AR: variants seen among roughly 807,000 people sequenced by gnomAD.
AR encodes the protein androgen receptor.
Under a neutral mutation model 53.9 loss-of-function variants are expected in AR, and 8 were observed. The observed-to-expected ratio is 0.15, with a 90% CI of 0.09 to 0.27. The LOEUF (loss-of-function observed/expected upper bound fraction) is 0.27, where lower values mean the gene tolerates loss of function less well. Ranked by LOEUF, AR falls within the 10% of genes least tolerant of loss-of-function variation. AR has a pLI of 1.00. For synonymous variants in AR, 359 were observed against 316.4 expected (o/e 1.13, Z -1.43); for missense variants, 639 against 742.5 (o/e 0.86, Z 1.62).
At chrX:67,701,772 TGGATAAGATA>T (rs1440453917) in intron 3 of AR, among the ~76,000 whole-genome samples, 3 of 111,588 alleles carry the variant, frequency 2.7e-5, no homozygotes, top group African/African-American at 9.8e-5. Flanking sequence ...CTGTCACCAT[TGGATAAGATA>T]ATTTCTAAGG....
intron 3 of AR, among the ~76,000 whole-genome samples, chrX:67,701,674 TCACACACACACACACA>T (rs3070104): frequency 1.0e-5 from 1 of 97,511 alleles, no homozygotes; most frequent in East Asian, 3.3e-4. Context: ...TACTAACCAT[TCACACACACACACACA>T]CACACACACA....
At position 67,725,782 on chromosome X, in the gene AR, G is replaced by A. The variant is rs747940268; in HGVS notation, c.*1941G>A. 6 of 173,798 alleles carry A rather than the reference G, an allele frequency of 3.5e-5. No individual in the cohort carries two copies. Among genetic ancestry groups the A allele is most frequent in the African/African-American group, 5.9e-5 (2 of 33,777 alleles). The allele number at this position is 173,798 out of a possible 1,213,427, so 14.3% of individuals were successfully genotyped here. A position where few individuals can be genotyped will look rare whatever the true frequency, so the allele number is the denominator to read the frequency against. On this transcript the variant is annotated 3_prime_UTR_variant, in exon 8 of 8. Transcript: ENST00000374690. ...TTTCTACAGAACCATGGCTTCTTTCGGAAAGGTCTGGTTGGTGTGGCTCCA... is the reference window on the plus strand; with the variant it reads ...TTTCTACAGAACCATGGCTTCTTTCAGAAAGGTCTGGTTGGTGTGGCTCCA...
chrX:67,681,056 G>T lies in AR; in HGVS notation c.1769-4954G>T, dbSNP rs2075930581. The T allele has an allele frequency of 6.4e-5, 11 of 171,770 alleles. No homozygotes were observed. The South Asian group carries it at 1.3e-3, about 20-fold the overall frequency. The allele number at this position is 171,770 out of a possible 1,213,427, so 14.2% of individuals were successfully genotyped here. The stretch of plus-strand genomic sequence containing the variant: ...TAAGACAGTTATTATGCATTTCAAT[G>T]AGTGATTTCTTTGCAGCTCTAGAGT... On this transcript the variant is annotated intron_variant, in intron 2 of 7. Transcript: ENST00000374690.
chrX:67,723,534 C>CACACACAT (rs1289729607), intron 7 of AR, 152 bp from the exon 8 acceptor site: 1 of 591,492 alleles, frequency 1.7e-6, no homozygotes, highest in Non-Finnish European at 2.8e-6. Flanking sequence ...CACACACACA[C>CACACACAT]ACACACGACC....
chrX:67,545,977 C>T lies in AR; in HGVS notation c.831C>T (p.Pro277=), dbSNP rs2147318678. Residue 277 remains proline, a synonymous_variant, in exon 1 of 8, where the codon CCC becomes CCT. Coordinates refer to ENST00000374690, the MANE Select transcript of AR (RefSeq NM_000044.6). ...ACGCCCCACTTTTGGGAGTTCCACC[C>T]GCTGTGCGTCCCACTCCTTGTGCCC... The part of the protein sequence containing the change: ...CMYAPLLGVP[P]AVRPTPCAPL... 8.2e-7 allele frequency: 1 copy of T among 1,212,294 alleles called. No individual in the cohort carries two copies. Among genetic ancestry groups the T allele is most frequent in the Non-Finnish European group, 1.1e-6 (1 of 895,614 alleles).
chrX:67,614,553 T>G (rs1198518172), intron 1 of AR, among the ~76,000 whole-genome samples: 1 of 111,121 alleles, frequency 9.0e-6, no homozygotes, highest in African/African-American at 3.3e-5. Context: ...GCCAAGTCAC[T>G]AAACAAACAA....
chrX:67,722,787 G>A (rs2147537493), intron 6 of AR, 40 bp from the exon 7 acceptor site: 1 of 1,205,533 alleles, frequency 8.3e-7, no homozygotes, highest in South Asian at 1.8e-5. Flanking sequence ...TCCTTCGTGG[G>A]CATGCTTCCC....
chrX:67,621,365 G>GT (rs1924368870), intron 1 of AR, among the ~76,000 whole-genome samples: 1 of 111,301 alleles, frequency 9.0e-6, no homozygotes, highest in South Asian at 3.8e-4. Context: ...TTGTTTGTTT[G>GT]TTTTTTAATT....
intron 1 of AR, among the ~76,000 whole-genome samples, chrX:67,591,985 G>A (rs1290229738): frequency 1.8e-5 from 2 of 112,463 alleles, no homozygotes; most frequent in Admixed American, 9.4e-5. Context: ...AAGGATGTGC[G>A]AGGGAGCATA....
intron 1 of AR, among the ~76,000 whole-genome samples, chrX:67,643,054 G>A (rs946244235): frequency 5.4e-5 from 6 of 111,431 alleles, no homozygotes; most frequent in African/African-American, 2.0e-4. Context: ...TAATCCCTTG[G>A]CAAGATCCAA....
intron 1 of AR, among the ~76,000 whole-genome samples, chrX:67,626,436 C>T (rs866158045): frequency 2.1e-5 from 1 of 46,817 alleles, no homozygotes; most frequent in East Asian, 8.8e-4. Flanking sequence ...CAGGCTCTCT[C>T]TTTTTTTTTT....
At chrX:67,708,510 G>A (rs1160854834) in intron 3 of AR, among the ~76,000 whole-genome samples, 2 of 111,458 alleles carry the variant, frequency 1.8e-5, no homozygotes, top group African/African-American at 3.3e-5. Context: ...ATTTAAGGCC[G>A]TCTCTACATT....
At chrX:67,705,490 G>A (rs2076062516) in intron 3 of AR, among the ~76,000 whole-genome samples, 1 of 111,687 alleles carries the variant, frequency 9.0e-6, no homozygotes, top group Admixed American at 9.5e-5. Context: ...TTTGCACATT[G>A]ATTTTGTATC....
intron 1 of AR, among the ~76,000 whole-genome samples, chrX:67,631,968 G>T (rs1332525658): frequency 8.8e-6 from 1 of 113,192 alleles, no homozygotes; most frequent in Non-Finnish European, 1.9e-5. Context: ...AGGGGTCAGG[G>T]ACCCACTTGA....
intron 1 of AR, among the ~76,000 whole-genome samples, chrX:67,603,523 A>T (rs1923478356): frequency 8.9e-6 from 1 of 112,058 alleles, no homozygotes; most frequent in Non-Finnish European, 1.9e-5. Flanking sequence ...GGAGAAGAGC[A>T]CAAACAAAAG....
chrX:67,718,022 A>G (rs902289256), intron 5 of AR, among the ~76,000 whole-genome samples: 6 of 112,655 alleles, frequency 5.3e-5, no homozygotes, highest in African/African-American at 1.9e-4. Flanking sequence ...TTGCTGAGCA[A>G]CTAGTTTGTG....
At chrX:67,696,064 C>T (rs979073679) in intron 3 of AR, 9 of 745,588 alleles carry the variant, frequency 1.2e-5, no homozygotes, top group Non-Finnish European at 1.4e-5. Flanking sequence ...TTAATAAAGC[C>T]ATTAATACAC....
chrX:67,662,594 G>T (rs774850056), intron 2 of AR, among the ~76,000 whole-genome samples: 1 of 111,352 alleles, frequency 9.0e-6, no homozygotes, highest in African/African-American at 3.3e-5. Context: ...CATTTGCTGA[G>T]GAGTGCTTTA....
intron 1 of AR, among the ~76,000 whole-genome samples, chrX:67,598,214 AC>A (rs887528875): frequency 9.0e-6 from 1 of 111,369 alleles, no homozygotes; most frequent in Non-Finnish European, 1.9e-5. Flanking sequence ...AGGCAACAGT[AC>A]AAAAAGTGCT....
Sources: allele counts gnomAD v4.1 joint callset (sites outside exome capture counted in the v4.1 genomes callset), GRCh38; gene constraint gnomAD v4.1.1; transcripts MANE v1.5; gene names NCBI Gene and HGNC (gene_info 2026-07-23, HGNC 2026-07-21).